Variants in SPOCK3 observed in about 807,000 individuals in gnomAD.
The protein encoded by SPOCK3 is SPARC (osteonectin), cwcv and kazal like domains proteoglycan 3.
Under a neutral mutation model 56.6 loss-of-function variants are expected in SPOCK3, and 30 were observed. The ratio of observed to expected loss-of-function variants is 0.53; its 90% confidence interval spans 0.40 to 0.72. The LOEUF is 0.72. Ranked by LOEUF, SPOCK3 falls within the 30% of genes least tolerant of loss-of-function variation. SPOCK3 has a pLI of 0.00. For missense variants in SPOCK3, 527 were observed against 530.0 expected, an observed-to-expected ratio of 0.99 and a Z score of 0.06; for synonymous variants, 196 against 183.3, an observed-to-expected ratio of 1.07 and a Z score of -0.56.
At chr4:167,069,613 A>G (rs1483108481) in intron 2 of SPOCK3, among the ~76,000 whole-genome samples, 2 of 151,910 alleles carry the variant, frequency 1.3e-5, no homozygotes, top group African/African-American at 4.8e-5. Context: ...AAAATATACA[A>G]GATCTTGAGT....
At chr4:166,797,200 T>A (rs1351043773) in intron 6 of SPOCK3, among the ~76,000 whole-genome samples, 1 of 151,372 alleles carries the variant, frequency 6.6e-6, no homozygotes, top group Non-Finnish European at 1.5e-5. Context: ...TTAATAAATA[T>A]TTATAATTTA....
chr4:166,962,143 A>G (rs971669110), intron 4 of SPOCK3, among the ~76,000 whole-genome samples: 2 of 152,088 alleles, frequency 1.3e-5, no homozygotes, highest in Non-Finnish European at 2.9e-5. Flanking sequence ...GATTACTATG[A>G]GCCTACTCCA....
At chr4:167,164,687 C>A (rs1765608076) in intron 2 of SPOCK3, among the ~76,000 whole-genome samples, 1 of 151,810 alleles carries the variant, frequency 6.6e-6, no homozygotes, top group Non-Finnish European at 1.5e-5. Flanking sequence ...TGAGAACCTT[C>A]AGTGTTTGGT....
At chr4:167,195,988 G>C (rs1388494311) in intron 2 of SPOCK3, among the ~76,000 whole-genome samples, 1 of 152,134 alleles carries the variant, frequency 6.6e-6, no homozygotes, top group African/African-American at 2.4e-5. Flanking sequence ...AGAAATTTTA[G>C]ATTACCATAA....
chr4:166,913,834 C>A (rs977109984), intron 4 of SPOCK3, among the ~76,000 whole-genome samples: 1 of 152,150 alleles, frequency 6.6e-6, no homozygotes, highest in East Asian at 1.9e-4. Context: ...GTTCCAAATA[C>A]GTTCTCTTTA....
chr4:166,933,594 G>A (rs1171184388), intron 4 of SPOCK3, among the ~76,000 whole-genome samples: 1 of 152,096 alleles, frequency 6.6e-6, no homozygotes, highest in Non-Finnish European at 1.5e-5. Context: ...GACAATTCAT[G>A]TGAATCTTCC....
At chr4:166,884,265 A>T (rs1733966348) in intron 6 of SPOCK3, among the ~76,000 whole-genome samples, 1 of 151,868 alleles carries the variant, frequency 6.6e-6, no homozygotes, top group Non-Finnish European at 1.5e-5. Context: ...AGGCAGGAGG[A>T]TGGCGTGAAC....
At chr4:167,086,602 G>C (rs759759435) in intron 2 of SPOCK3, among the ~76,000 whole-genome samples, 1 of 152,046 alleles carries the variant, frequency 6.6e-6, no homozygotes, top group Non-Finnish European at 1.5e-5. Flanking sequence ...TAATGATAAT[G>C]TTTATTTCAC....
intron 10 of SPOCK3, among the ~76,000 whole-genome samples, chr4:166,736,614 A>G: frequency 6.6e-6 from 1 of 152,012 alleles, no homozygotes; most frequent in East Asian, 1.9e-4. Flanking sequence ...AATACATCTA[A>G]ATATTTTCTA....
At position 166,922,534 on chromosome 4, in the gene SPOCK3, C is replaced by T. The variant is rs542679040; in HGVS notation, c.351-9791G>A. 3.3e-5 allele frequency among the ~76,000 whole-genome samples: 5 copies of T among 152,232 alleles called. No homozygotes were observed. In the South Asian group the frequency reaches 1.0e-3, roughly 32 times the overall value. ...TTTCCTATTTAACCCAATTTATACTCACACTCCCCTAATTCTGAGTCCCTT... is the reference window on the plus strand; with the variant it reads ...TTTCCTATTTAACCCAATTTATACTTACACTCCCCTAATTCTGAGTCCCTT... On this transcript the variant is annotated intron_variant, in intron 4 of 10. Transcript: ENST00000357545.
chr4:167,135,584 G>A (rs927261961), intron 2 of SPOCK3, among the ~76,000 whole-genome samples: 1 of 152,004 alleles, frequency 6.6e-6, no homozygotes, highest in Non-Finnish European at 1.5e-5. Context: ...TATTGGAAGT[G>A]TACTGGAAAT....
chr4:166,811,608 C>G (rs559288059), intron 6 of SPOCK3, among the ~76,000 whole-genome samples: 3 of 151,908 alleles, frequency 2.0e-5, no homozygotes, highest in Non-Finnish European at 3.0e-5. Context: ...GTTACTTGTA[C>G]AGAATGCTCC....
At chr4:166,737,864 C>G (rs1734374731) in intron 9 of SPOCK3, among the ~76,000 whole-genome samples, 1 of 152,170 alleles carries the variant, frequency 6.6e-6, no homozygotes, top group Non-Finnish European at 1.5e-5. Flanking sequence ...TACTATCTTA[C>G]TAGTTCTCAC....
chr4:166,932,710 AGTCTCTTTGATCTATGGATG>A (rs1739930821), intron 4 of SPOCK3, among the ~76,000 whole-genome samples: 1 of 152,184 alleles, frequency 6.6e-6, no homozygotes, highest in Admixed American at 6.5e-5. Context: ...ATGAGAATGT[AGTCTCTTTGATCTATGGATG>A]GATGCACAGG....
Position 166,887,094 on chromosome 4 carries a change from CTA to C in SPOCK3, c.589+2034_589+2035del, listed in dbSNP as rs924264034. ...CTTTCTTGATATATTAATATACACA[CTA>C]TACAGAAAATTTGACAATATGAAAA... is the stretch of plus-strand genomic sequence containing the variant. On this transcript the variant is annotated intron_variant, in intron 6 of 10. Coordinates refer to ENST00000357545, the MANE Select transcript of SPOCK3 (RefSeq NM_001040159.2). 8.5e-4 allele frequency among the ~76,000 whole-genome samples: 129 copies of C among 152,228 alleles called. 1 individual carries two copies. Among genetic ancestry groups the C allele is most frequent in the Middle Eastern group, 3.4e-3 (1 of 294 alleles).
intron 6 of SPOCK3, among the ~76,000 whole-genome samples, chr4:166,812,980 TA>T (rs1293939815): frequency 1.3e-5 from 2 of 152,026 alleles, no homozygotes; most frequent in Non-Finnish European, 2.9e-5. Context: ...TAATGTAGCA[TA>T]ATGAATTTTC....
At chr4:166,882,898 T>G (rs1733819305) in intron 6 of SPOCK3, 1 of 152,158 alleles carries the variant, frequency 6.6e-6, no homozygotes, top group Admixed American at 6.5e-5. Flanking sequence ...TTATAAATAA[T>G]TATGCAACAC....
At chr4:167,174,754 T>C (rs1016879935) in intron 2 of SPOCK3, among the ~76,000 whole-genome samples, 2 of 152,154 alleles carry the variant, frequency 1.3e-5, no homozygotes. Flanking sequence ...GGGGGCTCCA[T>C]AAATAAGCTT....
At chr4:166,966,709 G>A (rs757831034) in intron 4 of SPOCK3, among the ~76,000 whole-genome samples, 5 of 151,992 alleles carry the variant, frequency 3.3e-5, no homozygotes, top group African/African-American at 7.2e-5. Context: ...TGGTAACATC[G>A]CTGCAAATTT....
Sources: gnomAD v4.1 joint callset for allele counts (sites outside exome capture counted in the v4.1 genomes callset) on GRCh38, gnomAD v4.1.1 for gene constraint, MANE v1.5 for transcripts, NCBI Gene and HGNC (gene_info 2026-07-23, HGNC 2026-07-21) for gene names.